The following RFX3 variants were observed in gnomAD, a reference collection of about 807,000 sequenced individuals.
RFX3 encodes transcription factor RFX3.
Under a neutral mutation model 98.6 loss-of-function variants are expected in RFX3, and 14 were observed. The observed-to-expected ratio is 0.14, with a 90% confidence interval of 0.09 to 0.22. RFX3 has a LOEUF of 0.22. Among genes scored for constraint, RFX3 ranks in the 10% least tolerant of loss-of-function variants. The probability of loss-of-function intolerance (pLI) is 1.00; values close to 1 mark genes in which losing one functional copy is unlikely to be tolerated. For synonymous variants in RFX3, 383 were observed against 328.4 expected (o/e 1.17, Z -1.80); for missense variants, 639 against 926.9 (o/e 0.69, Z 4.03).
intron 1 of RFX3, among the ~76,000 whole-genome samples, chr9:3,412,256 C>T (rs1435096385): frequency 6.6e-6 from 1 of 152,116 alleles, no homozygotes; most frequent in African/African-American, 2.4e-5. Flanking sequence ...AATGTAAGCT[C>T]ACAGACTCTA....
At chr9:3,504,914 A>ATT (rs1564185675) in intron 1 of RFX3, among the ~76,000 whole-genome samples, 8 of 68,932 alleles carry the variant, frequency 1.2e-4, no homozygotes, top group African/African-American at 5.7e-4. Flanking sequence ...ATATATATAT[A>ATT]ATATAACATA....
At chr9:3,339,783 C>T (rs922614199) in intron 3 of RFX3, among the ~76,000 whole-genome samples, 1 of 152,076 alleles carries the variant, frequency 6.6e-6, no homozygotes, top group Non-Finnish European at 1.5e-5. Flanking sequence ...ACATTCCATG[C>T]TCATGGGTAG....
chr9:3,449,144 A>C (rs557323381), intron 1 of RFX3, among the ~76,000 whole-genome samples: 1 of 152,272 alleles, frequency 6.6e-6, no homozygotes, highest in African/African-American at 2.4e-5. Context: ...CAAAGAATAG[A>C]GGTAAGAATT....
chr9:3,345,802 C>CA (rs1331323800), intron 3 of RFX3, among the ~76,000 whole-genome samples: 1 of 151,856 alleles, frequency 6.6e-6, no homozygotes, highest in Non-Finnish European at 1.5e-5. Context: ...TGAATAAAAA[C>CA]AAAAAAAGTC....
intron 4 of RFX3, among the ~76,000 whole-genome samples, chr9:3,327,429 T>C (rs891585514): frequency 3.7e-4 from 56 of 152,316 alleles, no homozygotes; most frequent in African/African-American, 1.3e-3. Context: ...AAATTAAATA[T>C]ACTTTTCAAT....
chr9:3,471,226 T>C (rs1458627097), intron 1 of RFX3, among the ~76,000 whole-genome samples: 1 of 152,190 alleles, frequency 6.6e-6, no homozygotes. Context: ...ACAGCATCCA[T>C]TTGTACATCA....
At chr9:3,304,969 C>T (rs1033304039) in intron 4 of RFX3, among the ~76,000 whole-genome samples, 1 of 151,944 alleles carries the variant, frequency 6.6e-6, no homozygotes, top group African/African-American at 2.4e-5. Context: ...AAACTGTGAA[C>T]TCTCTACTTG....
At chr9:3,241,258 A>G (rs1819886268) in intron 15 of RFX3, among the ~76,000 whole-genome samples, 1 of 150,860 alleles carries the variant, frequency 6.6e-6, no homozygotes, top group Non-Finnish European at 1.5e-5. Flanking sequence ...AAAGAAATCT[A>G]ATGTATCAAT....
chr9:3,318,419 G>A (rs1830881983), intron 4 of RFX3, among the ~76,000 whole-genome samples: 1 of 151,966 alleles, frequency 6.6e-6, no homozygotes, highest in Admixed American at 6.6e-5. Context: ...TATACCTAAT[G>A]TAAATGACGA....
intron 15 of RFX3, among the ~76,000 whole-genome samples, chr9:3,231,874 T>G (rs902372979): frequency 4.0e-5 from 6 of 151,836 alleles, no homozygotes; most frequent in African/African-American, 1.5e-4. Flanking sequence ...GATCAGCCTG[T>G]CCAACATAGT....
At chr9:3,241,475 A>T (rs1819919785) in intron 15 of RFX3, among the ~76,000 whole-genome samples, 2 of 152,184 alleles carry the variant, frequency 1.3e-5, no homozygotes. Context: ...ATGAGCAGGG[A>T]TCCCAGAGAG....
chr9:3,414,973 T>C (rs1209646420), intron 1 of RFX3, among the ~76,000 whole-genome samples: 1 of 138,064 alleles, frequency 7.2e-6, no homozygotes, highest in African/African-American at 2.6e-5. Context: ...TATTCATATA[T>C]ACACTTATAT....
chr9:3,374,453 G>A (rs555916914), intron 2 of RFX3, among the ~76,000 whole-genome samples: 1 of 152,098 alleles, frequency 6.6e-6, no homozygotes, highest in African/African-American at 2.4e-5. Flanking sequence ...CCAAAAGGTG[G>A]AAGCAACCCA....
At chr9:3,294,111 T>C (rs1435973664) in intron 5 of RFX3, among the ~76,000 whole-genome samples, 2 of 152,330 alleles carry the variant, frequency 1.3e-5, no homozygotes, top group South Asian at 2.1e-4. Flanking sequence ...GTCTATATTA[T>C]TGAATTTTAA....
In RFX3 at chr9:3,225,187, G is replaced by T. The variant is rs747687105; in HGVS notation, c.2105C>A (p.Ala702Glu). 11 of 1,613,814 alleles carry T rather than the reference G, an allele frequency of 6.8e-6. No individual in the cohort carries two copies. Among genetic ancestry groups the T allele is most frequent in the Non-Finnish European group, 9.3e-6 (11 of 1,179,948 alleles). Reference protein sequence around the residue: ...AKREKTELSQAFPVGCMQPVL... With the variant: ...AKREKTELSQEFPVGCMQPVL... ...AGGCTGCATGCAGCCCACTGGAAAT[G>T]CCTGGCTCAGCTCTGTTTTCTCTCT... The change falls in exon 17 of 17, where the codon GCA becomes GAA. Residue 702 changes from alanine to glutamate, a missense_variant. Ala to Glu is a moderately radical substitution (Grantham distance 107). Transcript: ENST00000617270.
intron 1 of RFX3, among the ~76,000 whole-genome samples, chr9:3,509,523 T>C (rs928503870): frequency 1.3e-5 from 2 of 151,974 alleles, no homozygotes; most frequent in Non-Finnish European, 2.9e-5. Context: ...ATACAATATT[T>C]TTCTTTTTAA....
At chr9:3,456,368 T>C (rs1847151849) in intron 1 of RFX3, among the ~76,000 whole-genome samples, 1 of 152,242 alleles carries the variant, frequency 6.6e-6, no homozygotes, top group African/African-American at 2.4e-5. Flanking sequence ...CAAAATTTTA[T>C]GTTAATCAGT....
intron 4 of RFX3, among the ~76,000 whole-genome samples, chr9:3,321,197 C>T (rs1398508214): frequency 1.3e-5 from 2 of 152,032 alleles, no homozygotes; most frequent in African/African-American, 4.8e-5. Flanking sequence ...AGCCACCGCC[C>T]CCGACCCCAA....
intron 5 of RFX3, among the ~76,000 whole-genome samples, chr9:3,295,224 A>T (rs1827850459): frequency 6.6e-6 from 1 of 151,224 alleles, no homozygotes; most frequent in Non-Finnish European, 1.5e-5. Context: ...TTTTTTTTTT[A>T]AGACTTTATT....
Sources: allele counts gnomAD v4.1 joint callset (sites outside exome capture counted in the v4.1 genomes callset), GRCh38; gene constraint gnomAD v4.1.1; transcripts MANE v1.5; gene names NCBI Gene and HGNC (gene_info 2026-07-23, HGNC 2026-07-21).